Variants in FLI1 observed in about 807,000 individuals in gnomAD.
The protein encoded by FLI1 is Friend leukemia integration 1 transcription factor.
FLI1 carries 13 observed loss-of-function variants against 53.1 expected under a neutral mutation model. The ratio of observed to expected loss-of-function variants is 0.24; its 90% CI spans 0.16 to 0.39. The LOEUF (loss-of-function observed/expected upper bound fraction) is 0.39, where lower values mean the gene tolerates loss of function less well. FLI1 is among the 10% of genes least tolerant of loss of function. The pLI, the probability that FLI1 is intolerant of heterozygous loss-of-function variation, is 1.00. For synonymous variants in FLI1, 244 were observed against 236.7 expected (o/e 1.03, Z -0.28); for missense variants, 424 against 600.5 (o/e 0.71, Z 3.07).
intron 1 of FLI1, among the ~76,000 whole-genome samples, chr11:128,722,839 G>A (rs1303778438): frequency 1.3e-5 from 2 of 152,150 alleles, no homozygotes; most frequent in Non-Finnish European, 2.9e-5. Flanking sequence ...GGGAACCGCG[G>A]GGTGGGGGAG....
At chr11:128,806,942 G>T in intron 6 of FLI1, 1 of 381,764 alleles carries the variant, frequency 2.6e-6, no homozygotes, top group Non-Finnish European at 4.6e-6. Context: ...GTTTATTATT[G>T]TCTCTCCCAT....
chr11:128,803,944 A>T (rs1942703776), intron 5 of FLI1: 1 of 152,038 alleles, frequency 6.6e-6, no homozygotes, highest in Non-Finnish European at 1.5e-5. Context: ...AAACAGAAAC[A>T]GAAGGAGTGG....
chr11:128,719,356 C>CGTGTGTGTGT (rs56336914), intron 1 of FLI1, among the ~76,000 whole-genome samples: 2,777 of 145,252 alleles, frequency 0.019, 26 homozygotes, highest in Middle Eastern at 0.034. Context: ...CCCCTTTTCC[C>CGTGTGTGTGT]GTGTGTGTGT....
At chr11:128,694,899 A>AGAGCCGCCGGCTCCC (rs1565452456) in intron 1 of FLI1, among the ~76,000 whole-genome samples, 4 of 151,968 alleles carry the variant, frequency 2.6e-5, no homozygotes, top group African/African-American at 7.2e-5. Flanking sequence ...GCCCGGCTCT[A>AGAGCCGCCGGCTCCC]GGCGCTGGAG....
At chr11:128,716,375 G>A (rs1939014988) in intron 1 of FLI1, among the ~76,000 whole-genome samples, 1 of 152,268 alleles carries the variant, frequency 6.6e-6, no homozygotes, top group East Asian at 1.9e-4. Context: ...GGGGGTGGGG[G>A]TGCTGTGGGG....
At chr11:128,696,822 A>C (rs990879898) in intron 1 of FLI1, among the ~76,000 whole-genome samples, 4 of 152,200 alleles carry the variant, frequency 2.6e-5, no homozygotes, top group Non-Finnish European at 4.4e-5. Flanking sequence ...CTATATTTCA[A>C]AATACCTGTG....
At chr11:128,766,343 T>C (rs911421346) in intron 2 of FLI1, among the ~76,000 whole-genome samples, 5 of 152,230 alleles carry the variant, frequency 3.3e-5, no homozygotes, top group African/African-American at 1.2e-4. Context: ...TCTGGGACTC[T>C]GACGGCTGGT....
At chr11:128,725,472 C>T (rs73015311) in intron 1 of FLI1, among the ~76,000 whole-genome samples, 1 of 152,234 alleles carries the variant, frequency 6.6e-6, no homozygotes, top group South Asian at 2.1e-4. Context: ...ATGGGAGGCA[C>T]ACCTCATGAG....
At chr11:128,732,470 G>A (rs1049469189) in intron 1 of FLI1, among the ~76,000 whole-genome samples, 1 of 152,218 alleles carries the variant, frequency 6.6e-6, no homozygotes, top group African/African-American at 2.4e-5. Flanking sequence ...GGGGACACAG[G>A]TGAACAAAAC....
intron 4 of FLI1, among the ~76,000 whole-genome samples, chr11:128,780,221 C>G (rs980489160): frequency 6.6e-6 from 1 of 152,218 alleles, no homozygotes; most frequent in African/African-American, 2.4e-5. Context: ...TGGCATACAG[C>G]GGGCTCAATA....
At chr11:128,757,073 T>TTTCA (rs1940911408) in intron 1 of FLI1, among the ~76,000 whole-genome samples, 1 of 145,346 alleles carries the variant, frequency 6.9e-6, no homozygotes, top group African/African-American at 2.7e-5. Flanking sequence ...TCTTTCTTTC[T>TTTCA]TTCTTTCTTT....
intron 1 of FLI1, among the ~76,000 whole-genome samples, chr11:128,731,652 T>C (rs1939705245): frequency 6.6e-6 from 1 of 152,246 alleles, no homozygotes; most frequent in African/African-American, 2.4e-5. Flanking sequence ...AAAGCCATCA[T>C]GCTAGAAACG....
rs557334021 is a variant in FLI1 at position 128,807,510 on chromosome 11, G to A, written c.781+271G>A. 1.3e-4 allele frequency among the ~76,000 whole-genome samples: 20 copies of A among 152,296 alleles called. No homozygotes were observed. In the East Asian group the frequency reaches 3.9e-3, roughly 29 times the overall value. ...CAATAAAGAAACTGAGGCCCGGGGA[G>A]GTGAAGTGACTTGCTAAAAACCATA... On this transcript the variant is annotated intron_variant, in intron 7 of 8. Coordinates refer to ENST00000527786, the MANE Select transcript of FLI1 (RefSeq NM_002017.5).
chr11:128,780,869 A>G (rs1463555371), intron 4 of FLI1, among the ~76,000 whole-genome samples: 1 of 152,220 alleles, frequency 6.6e-6, no homozygotes, highest in African/African-American at 2.4e-5. Flanking sequence ...AGCTTATGGT[A>G]TGTTTTATAA....
chr11:128,794,370 T>C (rs2268598), intron 5 of FLI1, among the ~76,000 whole-genome samples: 15,351 of 152,202 alleles, frequency 0.1, 928 homozygotes, highest in East Asian at 0.27. Context: ...TTCCACCACA[T>C]GGAGGTTATT....
rs377605810 is a variant in FLI1 at position 128,697,708 on chromosome 11, G to A, written c.18+3432G>A. On this transcript the variant is annotated intron_variant, in intron 1 of 8. Coordinates refer to ENST00000527786, the MANE Select transcript of FLI1 (RefSeq NM_002017.5). The stretch of plus-strand genomic sequence containing the variant: ...GGGAATGGGCATACCAGGACAGATT[G>A]GTCAGAAAATTAGAACACAGGTCCA... Among the ~76,000 whole-genome samples the A allele has an allele frequency of 2.2e-4, 33 of 152,300 alleles. 2 individuals are homozygous for A. Among genetic ancestry groups the A allele is most frequent in the Admixed American group, 1.6e-3 (25 of 15,298 alleles).
rs1393122275 is a variant in FLI1 at position 128,807,196 on chromosome 11, G to T, written c.738G>T (p.Gly246=). Residue 246 remains glycine, a synonymous_variant, in exon 7 of 9, where the codon GGG becomes GGT. Transcript: ENST00000527786. ...TTGCCACAGGTCCTCCCCTTGGAGG[G>T]GCACAAACGATCAGTAAGAATACAG... ...SGLNKSPPLG[G]AQTISKNTEQ... is the part of the protein sequence containing the mutation. 2 of 1,599,230 alleles carry T rather than the reference G, an allele frequency of 1.3e-6. 1 individual carries two copies. The highest frequency in any genetic ancestry group is 2.3e-5 in the South Asian group (2 of 88,210).
intron 5 of FLI1, among the ~76,000 whole-genome samples, chr11:128,799,334 T>C (rs1481018347): frequency 6.6e-6 from 1 of 152,068 alleles, no homozygotes; most frequent in Non-Finnish European, 1.5e-5. Flanking sequence ...ATGGGCTTGG[T>C]AATCTCATCT....
intron 1 of FLI1, among the ~76,000 whole-genome samples, chr11:128,723,992 G>A (rs553564879): frequency 7.1e-6 from 1 of 140,284 alleles, no homozygotes; most frequent in African/African-American, 2.7e-5. Context: ...GCTCAGGCTG[G>A]AGTATAGTGG....
Sources: allele counts gnomAD v4.1 joint callset (sites outside exome capture counted in the v4.1 genomes callset), GRCh38; gene constraint gnomAD v4.1.1; transcripts MANE v1.5; gene names NCBI Gene and HGNC (gene_info 2026-07-23, HGNC 2026-07-21).